Variants in PDE4D observed in about 807,000 individuals in gnomAD.
PDE4D encodes phosphodiesterase 4D.
PDE4D carries 24 observed loss-of-function variants against 87.4 expected under a neutral mutation model. The ratio of observed to expected loss-of-function variants is 0.27; its 90% CI spans 0.20 to 0.39. The LOEUF is 0.39. Ranked by LOEUF, PDE4D falls within the 10% of genes least tolerant of loss-of-function variation. The probability of loss-of-function intolerance (pLI) is 1.00; values close to 1 mark genes in which losing one functional copy is unlikely to be tolerated. For missense variants in PDE4D, 714 were observed against 1,041.0 expected (o/e 0.69, Z 4.32); for synonymous variants, 384 against 383.2 (o/e 1.00, Z -0.02).
chr5:59,637,000 C>A (rs1283078915), intron 1 of PDE4D, among the ~76,000 whole-genome samples: 1 of 152,182 alleles, frequency 6.6e-6, no homozygotes, highest in Non-Finnish European at 1.5e-5. Flanking sequence ...CAGTCTCCAT[C>A]TGACAAAGGT....
intron 1 of PDE4D, among the ~76,000 whole-genome samples, chr5:60,462,795 G>T (rs1399537507): frequency 6.6e-6 from 1 of 152,180 alleles, no homozygotes. Context: ...TTGGCATCCA[G>T]CATTTTCCCC....
chr5:59,741,665 C>T (rs918043639), intron 1 of PDE4D, among the ~76,000 whole-genome samples: 1 of 152,184 alleles, frequency 6.6e-6, no homozygotes, highest in Non-Finnish European at 1.5e-5. Context: ...CTACTGACTA[C>T]ATGTCTAAAA....
intron 5 of PDE4D, among the ~76,000 whole-genome samples, chr5:59,178,344 T>C (rs997861338): frequency 2.0e-5 from 3 of 152,156 alleles, no homozygotes. Flanking sequence ...AACAGTTAAT[T>C]AGTTTCCCTT....
intron 2 of PDE4D, among the ~76,000 whole-genome samples, chr5:60,024,325 G>A (rs2152854866): frequency 6.6e-6 from 1 of 152,294 alleles, no homozygotes; most frequent in African/African-American, 2.4e-5. Context: ...TCTGTGTACA[G>A]ACATGAAACT....
intron 1 of PDE4D, among the ~76,000 whole-genome samples, chr5:59,514,108 C>CTT (rs766645707): frequency 1.4e-4 from 19 of 140,010 alleles, no homozygotes; most frequent in South Asian, 9.3e-4. Flanking sequence ...TTACATTTTT[C>CTT]TTTTTTTTTT....
chr5:60,417,495 C>T (rs1407652293), intron 1 of PDE4D, among the ~76,000 whole-genome samples: 1 of 152,168 alleles, frequency 6.6e-6, no homozygotes, highest in African/African-American at 2.4e-5. Flanking sequence ...ACTTGTTTCT[C>T]AGAGGAAAAA....
chr5:59,273,087 T>C (rs1277143376), intron 1 of PDE4D, among the ~76,000 whole-genome samples: 3 of 152,034 alleles, frequency 2.0e-5, no homozygotes, highest in African/African-American at 7.2e-5. Flanking sequence ...AAGAACAAAG[T>C]ATTTTGGAGA....
At chr5:59,551,840 C>CA (rs980430211) in intron 1 of PDE4D, among the ~76,000 whole-genome samples, 3 of 151,838 alleles carry the variant, frequency 2.0e-5, no homozygotes, top group South Asian at 2.1e-4. Flanking sequence ...ACAACAATAC[C>CA]AAAAAAACCC....
At chr5:59,092,553 A>AT (rs5868156) in intron 5 of PDE4D, among the ~76,000 whole-genome samples, 54,041 of 152,006 alleles carry the variant, frequency 0.36, 10,154 homozygotes, top group East Asian at 0.72. Flanking sequence ...ATGAAAAATG[A>AT]TTTTGTAAAA....
intron 1 of PDE4D, among the ~76,000 whole-genome samples, chr5:59,756,119 GTACT>G (rs972392969): frequency 6.6e-5 from 10 of 151,492 alleles, no homozygotes; most frequent in African/African-American, 2.4e-4. Context: ...TGGAAAAATG[GTACT>G]TAATTTCTGC....
At chr5:60,031,252 C>CTT (rs1286696132) in intron 2 of PDE4D, among the ~76,000 whole-genome samples, 1 of 152,160 alleles carries the variant, frequency 6.6e-6, no homozygotes, top group Non-Finnish European at 1.5e-5. Flanking sequence ...CAAGAAGAGG[C>CTT]TTTTTGCTTT....
chr5:59,135,665 T>C (rs1047635374), intron 5 of PDE4D, among the ~76,000 whole-genome samples: 1 of 152,194 alleles, frequency 6.6e-6, no homozygotes, highest in African/African-American at 2.4e-5. Flanking sequence ...TATTTATGTA[T>C]TCATTCAATA....
At chr5:60,297,754 T>C (rs1753538795) in intron 1 of PDE4D, among the ~76,000 whole-genome samples, 1 of 152,226 alleles carries the variant, frequency 6.6e-6, no homozygotes, top group South Asian at 2.1e-4. Context: ...TAAATGAGAA[T>C]TTCTATTCCC....
chr5:59,893,692 G>A lies in PDE4D; in HGVS notation c.-70C>T, dbSNP rs1397829152. The A allele has an allele frequency of 2.2e-6, 3 of 1,367,352 alleles. No homozygotes were observed. Among genetic ancestry groups the A allele is most frequent in the African/African-American group, 1.5e-5 (1 of 64,780 alleles). The allele number at this position is 1,367,352 out of a possible 1,614,324, so 84.7% of individuals were successfully genotyped here. A position where few individuals can be genotyped will look rare whatever the true frequency, so the allele number is the denominator to read the frequency against. On this transcript the variant is annotated 5_prime_UTR_variant, in exon 1 of 15. Transcript: ENST00000340635. ...GCGCTGGCCCGAGCGCCTTCCTGAT[G>A]CTGCTGCTGCTGCTGCCGCCGCCGC...
intron 2 of PDE4D, among the ~76,000 whole-genome samples, chr5:60,056,148 C>T (rs1291639078): frequency 6.6e-6 from 1 of 152,090 alleles, no homozygotes; most frequent in Non-Finnish European, 1.5e-5. Flanking sequence ...CACACTTCCA[C>T]TTCTACTCCC....
At chr5:59,543,240 A>G (rs1046396054) in intron 1 of PDE4D, among the ~76,000 whole-genome samples, 2 of 152,200 alleles carry the variant, frequency 1.3e-5, no homozygotes, top group African/African-American at 4.8e-5. Flanking sequence ...AGGGAGAGAG[A>G]AAGTAGATTA....
chr5:60,134,965 C>T (rs1037706489), intron 2 of PDE4D, among the ~76,000 whole-genome samples: 7 of 152,172 alleles, frequency 4.6e-5, no homozygotes, highest in African/African-American at 1.2e-4. Context: ...GTAAACTCTG[C>T]TCTGAAGTAA....
chr5:59,177,034 C>G (rs1413419597), intron 5 of PDE4D, among the ~76,000 whole-genome samples: 2 of 152,172 alleles, frequency 1.3e-5, no homozygotes, highest in Non-Finnish European at 2.9e-5. Flanking sequence ...GTGTCTTTGT[C>G]CTATTCTTTC....
chr5:59,613,396 A>G (rs535765652), intron 1 of PDE4D, among the ~76,000 whole-genome samples: 2 of 152,204 alleles, frequency 1.3e-5, no homozygotes, highest in South Asian at 4.1e-4. Flanking sequence ...GTTGAATATG[A>G]AAGTCTGTAT....
Sources: allele counts gnomAD v4.1 joint callset (sites outside exome capture counted in the v4.1 genomes callset), GRCh38; gene constraint gnomAD v4.1.1; transcripts MANE v1.5; gene names NCBI Gene and HGNC (gene_info 2026-07-23, HGNC 2026-07-21).